The following UNC13B variants were observed in gnomAD, a reference collection of about 807,000 sequenced individuals.
UNC13B encodes protein unc-13 homolog B.
A neutral mutation model predicts 211.0 loss-of-function variants in UNC13B; 144 were observed. The ratio of observed to expected loss-of-function variants is 0.68; its 90% CI spans 0.60 to 0.78. UNC13B has a LOEUF of 0.78. Among genes scored for constraint, UNC13B ranks in the 30% least tolerant of loss-of-function variants. The probability of loss-of-function intolerance (pLI) is 0.00; values close to 1 mark genes in which losing one functional copy is unlikely to be tolerated. For synonymous variants in UNC13B, 709 were observed against 725.8 expected, an observed-to-expected ratio of 0.98 and a Z score of 0.37; for missense variants, 1,777 against 2,002.0, an observed-to-expected ratio of 0.89 and a Z score of 2.14.
intron 22 of UNC13B, chr9:35,385,025 A>G: frequency 2.0e-6 from 2 of 985,158 alleles, no homozygotes. Flanking sequence ...ATTTGCACAA[A>G]TAATGGACAG....
At chr9:35,172,223 G>A (rs954090746) in intron 1 of UNC13B, among the ~76,000 whole-genome samples, 1 of 150,996 alleles carries the variant, frequency 6.6e-6, no homozygotes, top group Non-Finnish European at 1.5e-5. Context: ...TATGTGTTTT[G>A]GGGATATGTG....
chr9:35,302,003 A>G lies in UNC13B; in HGVS notation c.2599A>G (p.Arg867Gly), dbSNP rs1829708642. 2.5e-6 allele frequency: 1 copy of G among 398,678 alleles called. No homozygotes were observed. The highest frequency in any genetic ancestry group is 4.4e-6 in the Non-Finnish European group (1 of 225,858). 24.7% of individuals were successfully genotyped at this position (398,678 alleles called of 1,614,324 possible). A position where few individuals can be genotyped will look rare whatever the true frequency, so the allele number is the denominator to read the frequency against. The change falls in exon 9 of 40, where the codon AGA becomes GGA. Residue 867 changes from arginine to glycine, a missense_variant. Coordinates refer to ENST00000635942, the MANE Select transcript of UNC13B (RefSeq NM_001371189.2). ...FSGKLNLPFF[R>G]SLGHSEKQQE... ...TGGAAAACTAAATCTTCCATTTTTTAGAAGTCTTGGTCATTCTGAAAAGCA... is the reference window on the plus strand; with the variant it reads ...TGGAAAACTAAATCTTCCATTTTTTGGAAGTCTTGGTCATTCTGAAAAGCA...
At chr9:35,189,442 G>A (rs1432674018) in intron 1 of UNC13B, among the ~76,000 whole-genome samples, 2 of 152,176 alleles carry the variant, frequency 1.3e-5, no homozygotes, top group Non-Finnish European at 2.9e-5. Context: ...TAGTATCTAA[G>A]CTGTATGATT....
At chr9:35,340,329 A>G (rs542560418) in intron 11 of UNC13B, among the ~76,000 whole-genome samples, 2 of 152,218 alleles carry the variant, frequency 1.3e-5, no homozygotes, top group Non-Finnish European at 2.9e-5. Flanking sequence ...TGGAATCTAA[A>G]TTTTCTTCCT....
At chr9:35,284,521 T>C (rs1828683583) in intron 7 of UNC13B, among the ~76,000 whole-genome samples, 1 of 152,254 alleles carries the variant, frequency 6.6e-6, no homozygotes, top group Admixed American at 6.5e-5. Context: ...TGGTGAATTA[T>C]TCTTTTACTA....
chr9:35,177,889 T>C (rs7852108), intron 1 of UNC13B, among the ~76,000 whole-genome samples: 149,743 of 152,320 alleles, frequency 0.98, 73,652 homozygotes, highest in East Asian at 1. Context: ...CAGGGAAGAA[T>C]TGTAGAAAAA....
At chr9:35,335,483 T>C (rs1455593091) in intron 11 of UNC13B, among the ~76,000 whole-genome samples, 1 of 152,182 alleles carries the variant, frequency 6.6e-6, no homozygotes, top group Non-Finnish European at 1.5e-5. Context: ...TTCTTTAAGC[T>C]GCTTCTTCTC....
At chr9:35,341,721 G>A (rs1832006799) in intron 11 of UNC13B, 1 of 154,288 alleles carries the variant, frequency 6.5e-6, no homozygotes, top group Admixed American at 6.5e-5. Flanking sequence ...CTTACCAAGG[G>A]TGTGTGAGTG....
At chr9:35,377,335 G>C in intron 15 of UNC13B, 133 bp from the exon 16 acceptor site, 1 of 884,644 alleles carries the variant, frequency 1.1e-6, no homozygotes, top group Non-Finnish European at 1.7e-6. Flanking sequence ...GAGGGCCCTT[G>C]CTTAATTGCT....
chr9:35,197,239 G>A (rs908489964), intron 1 of UNC13B, among the ~76,000 whole-genome samples: 6 of 151,656 alleles, frequency 4.0e-5, no homozygotes, highest in Non-Finnish European at 8.8e-5. Context: ...ACAGAGTCTC[G>A]CTCTCTCACC....
chr9:35,274,397 C>A (rs1828057821), intron 7 of UNC13B, among the ~76,000 whole-genome samples: 1 of 152,130 alleles, frequency 6.6e-6, no homozygotes. Context: ...CTTACAGATT[C>A]AAGAGCATAT....
intron 22 of UNC13B, chr9:35,384,660 T>G: frequency 1.0e-6 from 1 of 985,462 alleles, no homozygotes; most frequent in Non-Finnish European, 1.2e-6. Flanking sequence ...ATTACATTTC[T>G]TTTTTGCATT....
rs1273586161 is a variant in UNC13B, at chr9:35,307,829, A to G, written c.8425A>G (p.Ser2809Gly). Residue 2809 changes from serine to glycine, a missense_variant, in exon 9 of 40, where the codon AGT becomes GGT. Physicochemically the swap from Ser to Gly is moderately conservative, Grantham distance 56. Transcript: ENST00000635942. Reference sequence around the variant, plus strand: ...AGCAGCAGAGACTGGTTTAATGTCCAGTTTTAAGAAGTTGTCAACTCTATT... The same window carrying G: ...AGCAGCAGAGACTGGTTTAATGTCCGGTTTTAAGAAGTTGTCAACTCTATT... ...NRAAETGLMSSFKKLSTLFEG... is the reference protein window; with the variant it reads ...NRAAETGLMSGFKKLSTLFEG... 2 of 398,900 alleles carry G rather than the reference A, an allele frequency of 5.0e-6. No individual in the cohort carries two copies. Among genetic ancestry groups the G allele is most frequent in the Non-Finnish European group, 8.8e-6 (2 of 226,072 alleles). The allele number at this position is 398,900 out of a possible 1,614,324, so 24.7% of individuals were successfully genotyped here. A position where few individuals can be genotyped will look rare whatever the true frequency, so the allele number is the denominator to read the frequency against.
rs1260007993 is a variant in UNC13B at position 35,237,701 on chromosome 9, A to G, written c.271-2A>G. The G allele has an allele frequency of 1.2e-6, 2 of 1,610,500 alleles. No individual in the cohort carries two copies. Among genetic ancestry groups the G allele is most frequent in the Admixed American group, 1.7e-5 (1 of 58,910 alleles). The stretch of plus-strand genomic sequence containing the variant: ...CTTTAATCTTAGATCTTTGTTTCCT[A>G]GGAAGGGCCTGGGGAATGGTCCACA... On this transcript the variant is annotated splice_acceptor_variant, in intron 4 of 39. Transcript: ENST00000635942. LOFTEE classifies it high-confidence loss of function.
intron 31 of UNC13B, 71 bp from the exon 32 acceptor site, chr9:35,398,483 T>C (rs767253786): frequency 1.3e-5 from 19 of 1,488,418 alleles, no homozygotes; most frequent in Non-Finnish European, 1.8e-5. Context: ...TGCAAGGAAG[T>C]AGTAGGGGTG....
rs1477443809 is a variant in UNC13B, at chr9:35,183,325, G to A, written c.22+21020G>A. On this transcript the variant is annotated intron_variant, in intron 1 of 39. Transcript: ENST00000635942. Reference sequence around the variant, plus strand: ...CCCTCACCTCCCAGGCGGGGCAGCCGGGCAGAGGCGCCCCTCACCTCCCAG... The same window carrying A: ...CCCTCACCTCCCAGGCGGGGCAGCCAGGCAGAGGCGCCCCTCACCTCCCAG... 3.3e-5 allele frequency among the ~76,000 whole-genome samples: 4 copies of A among 121,910 alleles called. 1 individual carries two copies. Among genetic ancestry groups the A allele is most frequent in the African/African-American group, 1.3e-4 (4 of 31,824 alleles). The allele number at this position is 121,910 out of a possible 152,430, so 80.0% of individuals were successfully genotyped here.
chr9:35,317,028 A>C (rs1388253561), intron 11 of UNC13B, among the ~76,000 whole-genome samples: 1 of 152,108 alleles, frequency 6.6e-6, no homozygotes, highest in Non-Finnish European at 1.5e-5. Flanking sequence ...TATGCTTTTC[A>C]CATTTTAATT....
chr9:35,399,372 C>T lies in UNC13B; in HGVS notation c.12199-20C>T. On this transcript the variant is annotated intron_variant, in intron 34 of 39. Coordinates refer to ENST00000635942, the MANE Select transcript of UNC13B (RefSeq NM_001371189.2). ...TGGAGTTGGGGTCCTCTGCTTTTGA[C>T]TGATTCCCTCTCTGCCCAGGGCACC... The T allele has an allele frequency of 6.2e-7, 1 of 1,614,158 alleles. No homozygotes were observed. Among genetic ancestry groups the T allele is most frequent in the Non-Finnish European group, 8.5e-7 (1 of 1,180,024 alleles).
Position 35,399,421 on chromosome 9 carries a change from G to T in UNC13B, c.12228G>T (p.Lys4076Asn). Reference protein sequence around the residue: ...TGTQLIFTAAKELSHLSKLKD... With the variant: ...TGTQLIFTAANELSHLSKLKD... ...CCCAGCTGATCTTCACTGCTGCCAA[G>T]GAGCTGAGCCATCTTTCCAAACTCA... The change falls in exon 35 of 40, where the codon AAG becomes AAT. Residue 4076 changes from lysine to asparagine, a missense_variant. Lys to Asn is a moderately conservative substitution (Grantham distance 94). Coordinates refer to ENST00000635942, the MANE Select transcript of UNC13B (RefSeq NM_001371189.2). 6.2e-7 allele frequency: 1 copy of T among 1,614,150 alleles called. No individual in the cohort carries two copies. Among genetic ancestry groups the T allele is most frequent in the Non-Finnish European group, 8.5e-7 (1 of 1,180,028 alleles).
Sources: allele counts gnomAD v4.1 joint callset (sites outside exome capture counted in the v4.1 genomes callset), GRCh38; gene constraint gnomAD v4.1.1; transcripts MANE v1.5; gene names NCBI Gene and HGNC (gene_info 2026-07-23, HGNC 2026-07-21).